The following SPRED3 variants were observed in gnomAD, a reference collection of about 807,000 sequenced individuals.
The protein encoded by SPRED3 is sprouty related EVH1 domain containing 3.
Under a neutral mutation model 37.6 loss-of-function variants are expected in SPRED3, and 23 were observed. The ratio of observed to expected loss-of-function variants is 0.61; its 90% CI spans 0.44 to 0.87. SPRED3 has a LOEUF of 0.87. Among genes scored for constraint, SPRED3 ranks in the 40% least tolerant of loss-of-function variants. The pLI is 0.00. For synonymous variants in SPRED3, 302 were observed against 279.6 expected (o/e 1.08, Z -0.80); for missense variants, 584 against 618.6 (o/e 0.94, Z 0.59).
Position 38,394,679 on chromosome 19 carries a change from C to A in SPRED3, c.460C>A (p.Arg154Ser), listed in dbSNP as rs1399854027. 6.3e-7 allele frequency: 1 copy of A among 1,599,018 alleles called. No individual in the cohort carries two copies. The highest frequency in any genetic ancestry group is 1.7e-5 in the Admixed American group (1 of 58,502). The stretch of plus-strand genomic sequence containing the variant: ...CAGCGACTCCTCCTCCAGTCACAGC[C>A]GCCAGGAGACTCCTCCCAGCGCCGC... ...VDSDSSSSHS[R>S]QETPPSAAAA... The change falls in exon 5 of 6, where the codon CGC becomes AGC. Residue 154 changes from arginine (R) to serine (S), a missense_variant. Around this residue, in one of 7 missense-constraint regions of SPRED3, gnomAD observed 310 missense variants for 281.1 expected, o/e 1.10. Transcript: ENST00000691638.
In SPRED3 at chr19:38,394,221, G is replaced by A. The variant is rs141236821; in HGVS notation, c.424-422G>A. ...ACTGCCCCAATAACAGTGTGGGGCT[G>A]GGAGTGAGAGAGGAAGGCAGCTGGC... On this transcript the variant is annotated intron_variant, in intron 4 of 5. Transcript: ENST00000691638. 9,794 of 1,315,566 alleles carry A rather than the reference G, an allele frequency of 7.4e-3. 50 individuals carry two copies. Among genetic ancestry groups the A allele is most frequent in the Non-Finnish European group, 8.8e-3 (8,755 of 994,380 alleles). The allele number at this position is 1,315,566 out of a possible 1,614,324, so 81.5% of individuals were successfully genotyped here. A position where few individuals can be genotyped will look rare whatever the true frequency, so the allele number is the denominator to read the frequency against.
chr19:38,395,905 C>T lies in SPRED3; in HGVS notation c.993C>T (p.Cys331=), dbSNP rs1418641785. Residue 331 remains cysteine, a synonymous_variant, in exon 6 of 6, where the codon TGC becomes TGT. Transcript: ENST00000691638. This position sits in a 1 kb window ranked among gnomAD's most constrained non-coding sequence, Gnocchi z 5.2. ...PGRLLVRRLS[C]LWCAESLLYH... is the part of the protein sequence containing the mutation. ...GCCTCCTGGTGCGCCGTCTAAGCTG[C>T]CTGTGGTGCGCCGAGAGCTTGCTCT... 7 of 1,510,354 alleles carry T rather than the reference C, an allele frequency of 4.6e-6. No homozygotes were observed. Among genetic ancestry groups the T allele is most frequent in the Non-Finnish European group, 6.1e-6 (7 of 1,138,516 alleles). 93.6% of individuals were successfully genotyped at this position (1,510,354 alleles called of 1,614,324 possible).
chr19:38,396,740 A>T lies in SPRED3; in HGVS notation c.*595A>T, dbSNP rs1022519398. On this transcript the variant is annotated 3_prime_UTR_variant, in exon 6 of 6. Transcript: ENST00000691638. ...GGACCCCTGAGAAAGTTTCAAACAGAGTTTGAAACTCTGTTATGCTCTGGA... is the reference window on the plus strand; with the variant it reads ...GGACCCCTGAGAAAGTTTCAAACAGTGTTTGAAACTCTGTTATGCTCTGGA... 2.0e-5 allele frequency: 3 copies of T among 151,968 alleles called. No homozygotes were observed. Among genetic ancestry groups the T allele is most frequent in the East Asian group, 1.9e-4 (1 of 5,182 alleles). The allele number at this position is 151,968 out of a possible 1,614,324, so 9.4% of individuals were successfully genotyped here.
At chr19:38,394,325 G>A (rs1037236083) in intron 4 of SPRED3, 1 of 1,491,080 alleles carries the variant, frequency 6.7e-7, no homozygotes, top group Non-Finnish European at 9.1e-7. Context: ...TAGATCAGGA[G>A]AAGAGTCCCA....
rs746797291 is a variant in SPRED3, at chr19:38,392,059, A to G, written c.291A>G (p.Ala97=). The change falls in exon 3 of 6, where the codon GCA becomes GCG. Residue 97 remains alanine (A), a synonymous_variant. Coordinates refer to ENST00000691638, the MANE Select transcript of SPRED3 (RefSeq NM_001394336.1). The stretch of plus-strand genomic sequence containing the variant: ...TTGGACTGACGTTTCAGAGCCCTGC[A>G]GAGGCTGATGAGTTCCAGAAGAGCC... ...CKFGLTFQSP[A]EADEFQKSLL... 4.3e-6 allele frequency: 7 copies of G among 1,614,112 alleles called. No homozygotes were observed. Among genetic ancestry groups the G allele is most frequent in the Admixed American group, 3.3e-5 (2 of 60,004 alleles).
At position 38,395,617 on chromosome 19, in the gene SPRED3, C is replaced by A; in HGVS notation, c.705C>A (p.Ser235=). 1 of 1,548,832 alleles carries A rather than the reference C, an allele frequency of 6.5e-7. No individual in the cohort carries two copies. Among genetic ancestry groups the A allele is most frequent in the Non-Finnish European group, 8.7e-7 (1 of 1,154,926 alleles). Residue 235 remains serine, a synonymous_variant, in exon 6 of 6, where the codon TCC becomes TCA. Transcript: ENST00000691638. This position sits in a 1 kb window ranked among gnomAD's most constrained non-coding sequence, Gnocchi z 5.2. The part of the protein sequence containing the change: ...RSGPPAPLAL[S]TCVVRFAKTG... ...GGCCACCCGCGCCCCTCGCCCTGTC[C>A]ACCTGCGTCGTGCGCTTCGCCAAGA...
chr19:38,391,871 G>A, intron 2 of SPRED3, 75 bp from the exon 3 acceptor site: 1 of 1,555,822 alleles, frequency 6.4e-7, no homozygotes, highest in East Asian at 2.2e-5. Context: ...GTATGCATGG[G>A]GGCTGGTGAT....
intron 4 of SPRED3, 185 bp downstream of exon 4, chr19:38,392,473 C>A: frequency 1.5e-6 from 1 of 649,888 alleles, no homozygotes; most frequent in Non-Finnish European, 2.4e-6. Context: ...TCATGATTCA[C>A]ACGTTCATTC....
At chr19:38,390,544 T>C in intron 2 of SPRED3, 65 bp downstream of exon 2, 8 of 1,248,212 alleles carry the variant, frequency 6.4e-6, no homozygotes, top group Non-Finnish European at 7.2e-6. Context: ...GGGGCTGGCA[T>C]GTGGAGCAGA....
At chr19:38,390,207 A>G in intron 1 of SPRED3, 92 bp from the exon 2 acceptor site, 1 of 1,224,058 alleles carries the variant, frequency 8.2e-7, no homozygotes, top group Non-Finnish European at 1.1e-6. Flanking sequence ...ATGAAGTTGG[A>G]GGGGAGATGA....
At position 38,394,676 on chromosome 19, in the gene SPRED3, A is replaced by T; in HGVS notation, c.457A>T (p.Ser153Cys). 1 of 1,598,358 alleles carries T rather than the reference A, an allele frequency of 6.3e-7. No individual in the cohort carries two copies. Among genetic ancestry groups the T allele is most frequent in the Non-Finnish European group, 8.5e-7 (1 of 1,175,758 alleles). ...GGACAGCGACTCCTCCTCCAGTCAC[A>T]GCCGCCAGGAGACTCCTCCCAGCGC... is the stretch of plus-strand genomic sequence containing the variant. ...HVDSDSSSSHSRQETPPSAAA... is the reference protein window; with the variant it reads ...HVDSDSSSSHCRQETPPSAAA... Residue 153 changes from serine to cysteine, a missense_variant, in exon 5 of 6, where the codon AGC (serine) becomes TGC (cysteine). By Grantham distance (112) the Ser-to-Cys change is moderately radical. Coordinates refer to ENST00000691638, the MANE Select transcript of SPRED3 (RefSeq NM_001394336.1).
At position 38,390,371 on chromosome 19, in the gene SPRED3, C is replaced by A; in HGVS notation, c.69C>A (p.Gly23=). 1 of 1,369,702 alleles carries A rather than the reference C, an allele frequency of 7.3e-7. No individual in the cohort carries two copies. Among genetic ancestry groups the A allele is most frequent in the Non-Finnish European group, 9.5e-7 (1 of 1,054,890 alleles). 84.8% of individuals were successfully genotyped at this position (1,369,702 alleles called of 1,614,324 possible). The change falls in exon 2 of 6, where the codon GGC becomes GGA. Residue 23 remains glycine, a synonymous_variant. Coordinates refer to ENST00000691638, the MANE Select transcript of SPRED3 (RefSeq NM_001394336.1). ...DSSGGWLPVG[G]GGLSQVSVCR... ...GTGGGGGCTGGCTGCCTGTGGGGGG[C>A]GGGGGCCTCAGCCAGGTGAGCGTGT...
At chr19:38,390,763 TG>T (rs1970819975) in intron 2 of SPRED3, among the ~76,000 whole-genome samples, 1 of 71,306 alleles carries the variant, frequency 1.4e-5, no homozygotes, top group Admixed American at 1.5e-4. Context: ...CAGGGGGCAC[TG>T]CCCCCCCCCC....
Position 38,398,396 on chromosome 19 carries a change from C to G in SPRED3, c.*2251C>G, listed in dbSNP as rs374603526. ...GGATAACAGGCATGTGCCACCACAC[C>G]CAGCTAATTTTTTGTATTTTGAGTA... On this transcript the variant is annotated 3_prime_UTR_variant, in exon 6 of 6. Transcript: ENST00000691638. 1 of 152,166 alleles carries G rather than the reference C, an allele frequency of 6.6e-6. No individual in the cohort carries two copies. Among genetic ancestry groups the G allele is most frequent in the East Asian group, 1.9e-4 (1 of 5,198 alleles). The allele number at this position is 152,166 out of a possible 1,614,324, so 9.4% of individuals were successfully genotyped here.
chr19:38,394,727 G>T lies in SPRED3; in HGVS notation c.508G>T (p.Glu170Ter). ...CGCTGCGGCCCCCATCATCACGATG[G>T]AGTCAGCTTCAGGCTTCGGGCCGAC... Reference protein sequence around the residue: ...SAAAAPIITMESASGFGPTTP... With the variant: ...SAAAAPIITM Residue 170 changes from glutamate to a stop codon, truncating the protein, a stop_gained, in exon 5 of 6, where the codon GAG (glutamate) becomes TAG (stop). Coordinates refer to ENST00000691638, the MANE Select transcript of SPRED3 (RefSeq NM_001394336.1). LOFTEE classifies it high-confidence loss of function. The T allele has an allele frequency of 6.3e-7, 1 of 1,591,800 alleles. No homozygotes were observed.
chr19:38,395,573 G>C lies in SPRED3; in HGVS notation c.661G>C (p.Glu221Gln). The C allele has an allele frequency of 6.4e-7, 1 of 1,554,834 alleles. No individual in the cohort carries two copies. Among genetic ancestry groups the C allele is most frequent in the Non-Finnish European group, 8.7e-7 (1 of 1,153,742 alleles). Residue 221 changes from glutamate to glutamine, a missense_variant, in exon 6 of 6, where the codon GAG becomes CAG. Glu to Gln is a conservative substitution (Grantham distance 29). This residue lies in a region of SPRED3 where 310 missense variants were observed against 281.1 expected (regional missense o/e 1.10). Transcript: ENST00000691638. The surrounding 1 kb of genome is among the most constrained non-coding windows in gnomAD (Gnocchi z 5.2). ...CCTGGGGTGGGGCGGCCGCGGCTAC[G>C]AGGATTACCGGCGCTCCGGGCCACC... ...GGLGWGGRGYEDYRRSGPPAP... is the reference protein window; with the variant it reads ...GGLGWGGRGYQDYRRSGPPAP...
At chr19:38,390,220 G>A (rs1402273735) in intron 1 of SPRED3, 79 bp from the exon 2 acceptor site, 1 of 1,286,070 alleles carries the variant, frequency 7.8e-7, no homozygotes, top group Non-Finnish European at 1.0e-6. Context: ...GGAGATGAGG[G>A]TTGAGGGAAC....
In SPRED3 at chr19:38,395,532, T is replaced by C; in HGVS notation, c.620T>C (p.Leu207Pro). 6.5e-7 allele frequency: 1 copy of C among 1,543,806 alleles called. No homozygotes were observed. The highest frequency in any genetic ancestry group is 8.7e-7 in the Non-Finnish European group (1 of 1,150,506). Residue 207 changes from leucine (L) to proline (P), a missense_variant, in exon 6 of 6, where the codon CTG (leucine) becomes CCG (proline). Coordinates refer to ENST00000691638, the MANE Select transcript of SPRED3 (RefSeq NM_001394336.1). The surrounding 1 kb of genome is among the most constrained non-coding windows in gnomAD (Gnocchi z 5.2). ...FTGIPEPSEP[L>P]AGAGGLGWGG... ...GGGATTCCGGAACCCTCAGAGCCCC[T>C]GGCAGGGGCAGGGGGCCTGGGGTGG... is the stretch of plus-strand genomic sequence containing the variant.
chr19:38,392,445 T>C (rs531179201), intron 4 of SPRED3, 157 bp downstream of exon 4: 2 of 789,246 alleles, frequency 2.5e-6, no homozygotes, highest in Non-Finnish European at 3.8e-6. Context: ...TCCCAGTTAT[T>C]CTAGTCTTTC....
Sources: gnomAD v4.1 joint callset for allele counts (sites outside exome capture counted in the v4.1 genomes callset) on GRCh38, gnomAD v4.1.1 for gene constraint, gnomAD v4.1.1 regional missense constraint, Gnocchi (gnomAD v3.1) non-coding constraint, MANE v1.5 for transcripts, NCBI Gene and HGNC (gene_info 2026-07-23, HGNC 2026-07-21) for gene names.